The following ATXN7 variants were observed in gnomAD, a reference collection of about 807,000 sequenced individuals.
ATXN7 encodes the protein ataxin 7.
A neutral mutation model predicts 70.5 loss-of-function variants in ATXN7; 12 were observed. The ratio of observed to expected loss-of-function variants is 0.17; its 90% CI spans 0.11 to 0.28. The LOEUF is 0.28. Ranked by LOEUF, ATXN7 falls within the 10% of genes least tolerant of loss-of-function variation. The pLI is 1.00. For synonymous variants in ATXN7, 498 were observed against 448.7 expected, an observed-to-expected ratio of 1.11 and a Z score of -1.39; for missense variants, 1,256 against 1,131.7, an observed-to-expected ratio of 1.11 and a Z score of -1.58.
intron 1 of ATXN7, among the ~76,000 whole-genome samples, chr3:63,893,608 G>C (rs541356183): frequency 4.3e-4 from 65 of 152,268 alleles, no homozygotes; most frequent in Admixed American, 1.2e-3. Context: ...GGCGTTCTAC[G>C]AAGTGTTGAG....
chr3:63,965,240 G>A (rs137956001), intron 5 of ATXN7, among the ~76,000 whole-genome samples: 68 of 152,246 alleles, frequency 4.5e-4, no homozygotes, highest in African/African-American at 1.3e-3. Context: ...AGTGCTGGGC[G>A]TTGCATTACC....
chr3:63,998,348 ATG>A (rs764664875), intron 12 of ATXN7: 5 of 984,842 alleles, frequency 5.1e-6, no homozygotes, highest in Non-Finnish European at 6.0e-6. Flanking sequence ...GTTGAGATAT[ATG>A]TGTGTGTGTA....
chr3:63,978,837 G>A (rs1456795709), intron 5 of ATXN7, among the ~76,000 whole-genome samples: 2 of 152,150 alleles, frequency 1.3e-5, no homozygotes, highest in Non-Finnish European at 2.9e-5. Flanking sequence ...AGAAGCTCAG[G>A]ACTGCTATAA....
chr3:63,962,859 A>G (rs542990210), intron 5 of ATXN7, among the ~76,000 whole-genome samples: 12 of 151,872 alleles, frequency 7.9e-5, no homozygotes, highest in African/African-American at 2.4e-4. Context: ...TAAGAGAGTG[A>G]CAATAATCAA....
chr3:63,979,866 G>T (rs374658073), intron 5 of ATXN7, 49 bp from the exon 6 acceptor site: 2 of 1,603,678 alleles, frequency 1.2e-6, no homozygotes, highest in South Asian at 1.1e-5. Flanking sequence ...AATTACATTT[G>T]AGATTCGCCT....
chr3:63,982,733 T>C (rs2075510764), intron 7 of ATXN7, among the ~76,000 whole-genome samples: 1 of 152,014 alleles, frequency 6.6e-6, no homozygotes, highest in South Asian at 2.1e-4. Flanking sequence ...TTTTCTACCA[T>C]CTGATGGCAG....
intron 1 of ATXN7, among the ~76,000 whole-genome samples, chr3:63,876,092 AT>A (rs1467290740): frequency 6.6e-6 from 1 of 152,100 alleles, no homozygotes; most frequent in African/African-American, 2.4e-5. Context: ...TTCCTCTTGC[AT>A]TTTTAGTTTG....
chr3:63,991,399 T>G (rs1559660648), intron 11 of ATXN7, among the ~76,000 whole-genome samples: 1 of 150,000 alleles, frequency 6.7e-6, no homozygotes, highest in South Asian at 2.1e-4. Context: ...AGAGGTAACA[T>G]GTTTTCAAGT....
intron 4 of ATXN7, among the ~76,000 whole-genome samples, chr3:63,946,885 G>A (rs2074873186): frequency 6.6e-6 from 1 of 152,088 alleles, no homozygotes; most frequent in South Asian, 2.1e-4. Flanking sequence ...GCTGGGAGGA[G>A]GAGGCTACGT....
chr3:63,993,732 C>T (rs2075710526), intron 11 of ATXN7, among the ~76,000 whole-genome samples: 1 of 152,176 alleles, frequency 6.6e-6, no homozygotes, highest in Non-Finnish European at 1.5e-5. Context: ...CTCTAGAAGG[C>T]TTTTCCTTTC....
chr3:63,994,701 A>G (rs1405423522), intron 11 of ATXN7, among the ~76,000 whole-genome samples: 1 of 152,234 alleles, frequency 6.6e-6, no homozygotes, highest in East Asian at 1.9e-4. Flanking sequence ...GTCAGGATCA[A>G]GGCAATCCTG....
intron 1 of ATXN7, among the ~76,000 whole-genome samples, chr3:63,897,464 T>A (rs1703480441): frequency 6.6e-6 from 1 of 152,220 alleles, no homozygotes; most frequent in Non-Finnish European, 1.5e-5. Flanking sequence ...TTTCAGCCAC[T>A]GATTTTCAGA....
chr3:63,910,829 T>G (rs1183140485), intron 2 of ATXN7, among the ~76,000 whole-genome samples: 2 of 150,634 alleles, frequency 1.3e-5, no homozygotes, highest in African/African-American at 4.9e-5. Context: ...AATAAAAATG[T>G]GTGTGTGTGT....
chr3:63,879,345 A>G (rs1032802210), intron 1 of ATXN7, among the ~76,000 whole-genome samples: 1 of 152,218 alleles, frequency 6.6e-6, no homozygotes, highest in Non-Finnish European at 1.5e-5. Flanking sequence ...TTTAAAAAAT[A>G]TGCATATGAA....
intron 9 of ATXN7, 91 bp downstream of exon 9, chr3:63,988,415 C>G: frequency 6.7e-7 from 1 of 1,496,614 alleles, no homozygotes; most frequent in Non-Finnish European, 9.1e-7. Context: ...TGTTGAGAAA[C>G]ATATCTCAGG....
intron 4 of ATXN7, among the ~76,000 whole-genome samples, chr3:63,920,641 C>T (rs1476039683): frequency 1.3e-5 from 2 of 151,824 alleles, no homozygotes; most frequent in South Asian, 2.1e-4. Context: ...TTACAACAGT[C>T]GGTGTGTTGT....
At chr3:63,935,157 C>G (rs1225957962) in intron 4 of ATXN7, among the ~76,000 whole-genome samples, 6 of 152,206 alleles carry the variant, frequency 3.9e-5, no homozygotes, top group Non-Finnish European at 7.3e-5. Flanking sequence ...TGCTGCTGCT[C>G]TTCCACTATT....
intron 11 of ATXN7, among the ~76,000 whole-genome samples, chr3:63,993,609 A>C (rs2106797064): frequency 6.6e-6 from 1 of 152,308 alleles, no homozygotes; most frequent in East Asian, 1.9e-4. Flanking sequence ...AGTCAGTATG[A>C]GTACATATTG....
chr3:63,969,800 G>A (rs1381736539), intron 5 of ATXN7, among the ~76,000 whole-genome samples: 1 of 152,156 alleles, frequency 6.6e-6, no homozygotes, highest in Non-Finnish European at 1.5e-5. Context: ...AAATTCTAAA[G>A]TGTTCTTTTC....
Sources: gnomAD v4.1 joint callset for allele counts (sites outside exome capture counted in the v4.1 genomes callset) on GRCh38, gnomAD v4.1.1 for gene constraint, MANE v1.5 for transcripts, NCBI Gene and HGNC (gene_info 2026-07-23, HGNC 2026-07-21) for gene names.